Variants in OPHN1 observed in about 807,000 individuals in gnomAD.
The protein encoded by OPHN1 is oligophrenin 1, also known as oligophrenin-1.
Under a neutral mutation model 60.7 loss-of-function variants are expected in OPHN1, and 11 were observed. That is an observed-to-expected ratio of 0.18 (90% confidence interval 0.11 to 0.30). The LOEUF is 0.30. Among genes scored for constraint, OPHN1 ranks in the 10% least tolerant of loss-of-function variants. The pLI is 1.00. For synonymous variants in OPHN1, 226 were observed against 222.6 expected, an observed-to-expected ratio of 1.02 and a Z score of -0.14; for missense variants, 449 against 611.0, an observed-to-expected ratio of 0.73 and a Z score of 2.80.
chrX:68,347,651 T>TA lies in OPHN1; in HGVS notation c.155-48556dup, dbSNP rs772560117. 2.9e-3 allele frequency among the ~76,000 whole-genome samples: 322 copies of TA among 109,692 alleles called. 2 individuals are homozygous for TA. Among genetic ancestry groups the TA allele is most frequent in the African/African-American group, 9.9e-3 (299 of 30,215 alleles). On this transcript the variant is annotated intron_variant, in intron 2 of 24. Transcript: ENST00000355520. ...CATATTGATTTCTATATTTCCTGAT[T>TA]AAAAAAAAATGAGGAACTCTCCTCA...
At chrX:68,208,027 CCTTT>C (rs1466019298) in intron 9 of OPHN1, among the ~76,000 whole-genome samples, 6 of 109,533 alleles carry the variant, frequency 5.5e-5, no homozygotes, top group Middle Eastern at 4.7e-3. Context: ...TCCTTTCTTT[CCTTT>C]CTTTCTTTCC....
chrX:68,207,593 T>G (rs897500124), intron 9 of OPHN1, among the ~76,000 whole-genome samples: 5 of 111,492 alleles, frequency 4.5e-5, no homozygotes, highest in Admixed American at 9.6e-5. Flanking sequence ...CCTAGATTAT[T>G]TTTAAAATAT....
At chrX:68,330,094 C>CT (rs1209094018) in intron 2 of OPHN1, among the ~76,000 whole-genome samples, 56 of 104,950 alleles carry the variant, frequency 5.3e-4, no homozygotes, top group African/African-American at 1.0e-3. Flanking sequence ...TCTTCTTTTT[C>CT]TTTTTTTTTT....
intron 2 of OPHN1, among the ~76,000 whole-genome samples, chrX:68,335,791 C>T (rs968836407): frequency 9.0e-6 from 1 of 110,852 alleles, no homozygotes; most frequent in African/African-American, 3.3e-5. Context: ...TAGCTGGGCA[C>T]GGGTGGCGTG....
chrX:68,073,228 G>A lies in OPHN1; in HGVS notation c.1758C>T (p.His586=). ...VPPPRVTARR[H]KPITISKRLL... Reference sequence around the variant, plus strand: ...AGCGCTTTGAAATCGTGATTGGTTTGTGCCTTCTTGCTGTCACCCGAGGCG... The same window carrying A: ...AGCGCTTTGAAATCGTGATTGGTTTATGCCTTCTTGCTGTCACCCGAGGCG... Residue 586 remains histidine (H), a synonymous_variant, in exon 20 of 25, where the codon CAC becomes CAT. Transcript: ENST00000355520. 1 of 1,211,684 alleles carries A rather than the reference G, an allele frequency of 8.3e-7. No individual in the cohort carries two copies. Among genetic ancestry groups the A allele is most frequent in the Non-Finnish European group, 1.1e-6 (1 of 895,209 alleles).
intron 21 of OPHN1, 132 bp downstream of exon 21, chrX:68,063,722 C>T: frequency 1.9e-6 from 1 of 523,085 alleles, no homozygotes. Context: ...GTGATCTTGC[C>T]CACTGTTCCA....
At chrX:68,178,316 A>C (rs1322672848) in intron 15 of OPHN1, among the ~76,000 whole-genome samples, 1 of 112,342 alleles carries the variant, frequency 8.9e-6, no homozygotes, top group African/African-American at 3.2e-5. Context: ...GCCAGTTATC[A>C]ACACTATAAA....
intron 15 of OPHN1, among the ~76,000 whole-genome samples, chrX:68,161,165 C>A (rs776806542): frequency 6.8e-4 from 75 of 110,226 alleles, no homozygotes; most frequent in African/African-American, 2.5e-3. Context: ...TAAAAAGATG[C>A]CAGCTAAGAA....
At chrX:68,395,057 G>A (rs1266441732) in intron 2 of OPHN1, among the ~76,000 whole-genome samples, 1 of 110,829 alleles carries the variant, frequency 9.0e-6, no homozygotes, top group African/African-American at 3.3e-5. Context: ...CCAGACTCAA[G>A]CGATTCTCAT....
intron 5 of OPHN1, among the ~76,000 whole-genome samples, chrX:68,256,771 T>A (rs776610620): frequency 3.0e-4 from 34 of 111,672 alleles, no homozygotes; most frequent in Non-Finnish European, 5.5e-4. Flanking sequence ...GTGGCTCACA[T>A]CTGTAATCCC....
At chrX:68,426,552 T>TTATATATATATA (rs765336463) in intron 2 of OPHN1, among the ~76,000 whole-genome samples, 8 of 16,182 alleles carry the variant, frequency 4.9e-4, no homozygotes, top group Non-Finnish European at 9.8e-4. Flanking sequence ...GACATCTGTT[T>TTATATATATATA]TATATATATA....
At chrX:68,273,303 T>C (rs1003951434) in intron 5 of OPHN1, among the ~76,000 whole-genome samples, 8 of 112,340 alleles carry the variant, frequency 7.1e-5, no homozygotes, top group African/African-American at 2.6e-4. Flanking sequence ...CTAAGAAAAC[T>C]AGATGCTTGG....
intron 11 of OPHN1, among the ~76,000 whole-genome samples, chrX:68,200,065 C>A (rs1395126778): frequency 8.9e-6 from 1 of 111,850 alleles, no homozygotes; most frequent in Non-Finnish European, 1.9e-5. Flanking sequence ...CAAAAAGAAA[C>A]CAGCATGGGC....
Position 68,119,307 on chromosome X carries a change from A to G in OPHN1, c.1302T>C (p.Asp434=). 8.3e-7 allele frequency: 1 copy of G among 1,200,583 alleles called. No homozygotes were observed. The highest frequency in any genetic ancestry group is 3.0e-5 in the East Asian group (1 of 33,773). The change falls in exon 16 of 25, where the codon GAT becomes GAC. Residue 434 remains aspartate (D), a synonymous_variant. Coordinates refer to ENST00000355520, the MANE Select transcript of OPHN1 (RefSeq NM_002547.3). ...TAATGTCCCAGTCACTATTATGAAAATCAACATCTCCTGGGCATTTAGGAT... is the reference window on the plus strand; with the variant it reads ...TAATGTCCCAGTCACTATTATGAAAGTCAACATCTCCTGGGCATTTAGGAT... ...FFDPKCPGDV[D]FHNSDWDIKT... is the part of the protein sequence containing the mutation.
At chrX:68,182,927 A>C (rs1310053301) in intron 15 of OPHN1, among the ~76,000 whole-genome samples, 1 of 111,475 alleles carries the variant, frequency 9.0e-6, no homozygotes, top group Non-Finnish European at 1.9e-5. Context: ...AAAAAGAAAA[A>C]GAAAAAACAG....
chrX:68,181,793 A>G (rs1410758850), intron 15 of OPHN1, among the ~76,000 whole-genome samples: 1 of 111,697 alleles, frequency 9.0e-6, no homozygotes, highest in Non-Finnish European at 1.9e-5. Context: ...GCGCCACTGC[A>G]CTCCAGCCTG....
chrX:68,216,248 T>A (rs960286734), intron 6 of OPHN1, among the ~76,000 whole-genome samples: 1 of 111,001 alleles, frequency 9.0e-6, no homozygotes, highest in Non-Finnish European at 1.9e-5. Context: ...ATAATTTACA[T>A]GGTAAGAGAA....
intron 4 of OPHN1, among the ~76,000 whole-genome samples, chrX:68,279,169 T>A (rs2182723): frequency 1.2e-5 from 1 of 83,822 alleles, no homozygotes; most frequent in Non-Finnish European, 2.2e-5. Flanking sequence ...TGTAGTACAG[T>A]GGCATGATCA....
At chrX:68,087,286 TATTTC>T (rs1338249559) in intron 19 of OPHN1, among the ~76,000 whole-genome samples, 1 of 112,235 alleles carries the variant, frequency 8.9e-6, no homozygotes, top group African/African-American at 3.2e-5. Flanking sequence ...CGAGGAATAT[TATTTC>T]ATTCTGATGG....
Sources: gnomAD v4.1 joint callset for allele counts (sites outside exome capture counted in the v4.1 genomes callset) on GRCh38, gnomAD v4.1.1 for gene constraint, MANE v1.5 for transcripts, NCBI Gene and HGNC (gene_info 2026-07-23, HGNC 2026-07-21) for gene names.